Variants in PSMD11 observed in about 807,000 individuals in gnomAD.
The protein encoded by PSMD11 is proteasome 26S subunit, non-ATPase 11, also known as 26S proteasome non-ATPase regulatory subunit 11.
Under a neutral mutation model 62.3 loss-of-function variants are expected in PSMD11, and 5 were observed. That is an observed-to-expected ratio of 0.08 (90% CI 0.04 to 0.17). The LOEUF is 0.17. Ranked by LOEUF, PSMD11 falls within the 10% of genes least tolerant of loss-of-function variation. PSMD11 has a pLI of 1.00. For synonymous variants in PSMD11, 191 were observed against 191.8 expected, an observed-to-expected ratio of 1.00 and a Z score of 0.03; for missense variants, 310 against 512.9, an observed-to-expected ratio of 0.60 and a Z score of 3.82.
At chr17:32,465,403 G>A (rs1907965115) in intron 5 of PSMD11, among the ~76,000 whole-genome samples, 1 of 151,910 alleles carries the variant, frequency 6.6e-6, no homozygotes, top group African/African-American at 2.4e-5. Context: ...ATGAGCCACC[G>A]TGTCCGGCCA....
chr17:32,479,215 C>A, intron 9 of PSMD11, 36 bp from the exon 10 acceptor site: 2 of 1,609,146 alleles, frequency 1.2e-6, no homozygotes, highest in Middle Eastern at 1.7e-4. Context: ...TAAAGTGATT[C>A]TCTGTGCCAA....
At chr17:32,463,037 C>T (rs901365395) in intron 3 of PSMD11, among the ~76,000 whole-genome samples, 1 of 152,206 alleles carries the variant, frequency 6.6e-6, no homozygotes, top group Non-Finnish European at 1.5e-5. Context: ...GTTGTATTAG[C>T]AATTAGTTCT....
At chr17:32,475,163 A>G (rs1726662533) in intron 8 of PSMD11, among the ~76,000 whole-genome samples, 1 of 152,188 alleles carries the variant, frequency 6.6e-6, no homozygotes, top group Admixed American at 6.5e-5. Context: ...AGGGTATGAA[A>G]TCTTAGATTC....
chr17:32,457,309 C>T (rs1907680043), intron 3 of PSMD11, among the ~76,000 whole-genome samples: 1 of 152,058 alleles, frequency 6.6e-6, no homozygotes, highest in Admixed American at 6.5e-5. Context: ...ACAATCTTGG[C>T]TCACTGCAGC....
At chr17:32,452,274 T>C (rs1043481609) in intron 2 of PSMD11, among the ~76,000 whole-genome samples, 128 of 152,336 alleles carry the variant, frequency 8.4e-4, no homozygotes, top group African/African-American at 3.0e-3. Context: ...ATATAGACTG[T>C]ATATCTGATG....
intron 2 of PSMD11, among the ~76,000 whole-genome samples, chr17:32,451,732 CTGTTT>C (rs964376912): frequency 2.0e-5 from 3 of 151,720 alleles, no homozygotes; most frequent in South Asian, 4.1e-4. Flanking sequence ...TTAGTTCTCT[CTGTTT>C]TGTTTTGTTT....
chr17:32,464,028 T>C (rs1354483329), intron 3 of PSMD11, 21 bp from the exon 4 acceptor site: 1 of 1,609,496 alleles, frequency 6.2e-7, no homozygotes, highest in Admixed American at 1.7e-5. Context: ...ATGTTGCATG[T>C]ACTGTCTCTC....
intron 3 of PSMD11, among the ~76,000 whole-genome samples, chr17:32,457,904 A>C (rs777547705): frequency 1.3e-5 from 2 of 151,286 alleles, no homozygotes; most frequent in Non-Finnish European, 2.9e-5. Flanking sequence ...GGGTTCAAGC[A>C]ATTCTCCTGC....
intron 3 of PSMD11, among the ~76,000 whole-genome samples, chr17:32,456,981 G>A (rs1907672000): frequency 6.6e-6 from 1 of 152,136 alleles, no homozygotes; most frequent in Admixed American, 6.5e-5. Context: ...TTTATTTAAT[G>A]ATCATTTCTC....
chr17:32,467,764 A>G (rs989748576), intron 5 of PSMD11, among the ~76,000 whole-genome samples: 2 of 152,146 alleles, frequency 1.3e-5, no homozygotes, highest in African/African-American at 2.4e-5. Context: ...GGCGTGTGCC[A>G]CCACACCCAG....
At chr17:32,446,836 C>G (rs1354126535) in intron 1 of PSMD11, 109 bp from the exon 2 acceptor site, 1,270 of 259,710 alleles carry the variant, frequency 4.9e-3, no homozygotes, top group East Asian at 0.01. Context: ...TAGAATTTGT[C>G]TTTTGGTAAA....
Position 32,464,512 on chromosome 17 carries a change from C to G in PSMD11, c.391-9C>G, listed in dbSNP as rs1301322982. On this transcript the variant is annotated splice_polypyrimidine_tract_variant and intron_variant, in intron 4 of 13. Coordinates refer to ENST00000261712, the MANE Select transcript of PSMD11 (RefSeq NM_002815.4). ...CCCCCCTTCAATCAATGCCTTTTCT[C>G]TTTCCTAGGCAAGACTGGTGTCTTT... 4.4e-6 allele frequency: 7 copies of G among 1,591,090 alleles called. No homozygotes were observed. Among genetic ancestry groups the G allele is most frequent in the Non-Finnish European group, 6.0e-6 (7 of 1,166,548 alleles).
At chr17:32,480,433 AAC>A in intron 12 of PSMD11, 54 bp from the exon 13 acceptor site, 2 of 1,605,614 alleles carry the variant, frequency 1.2e-6, no homozygotes, top group Non-Finnish European at 1.7e-6. Flanking sequence ...CTGCTTCACA[AAC>A]ACTTTTGTGT....
chr17:32,456,811 G>A (rs989932308), intron 3 of PSMD11, among the ~76,000 whole-genome samples: 5 of 152,180 alleles, frequency 3.3e-5, no homozygotes, highest in Admixed American at 1.3e-4. Context: ...GATTACCGGC[G>A]TGAGCCACCG....
At chr17:32,468,899 T>G in intron 5 of PSMD11, 100 bp from the exon 6 acceptor site, 2 of 1,187,334 alleles carry the variant, frequency 1.7e-6, no homozygotes, top group East Asian at 2.7e-5. Flanking sequence ...TCAGGAATTT[T>G]TTTTTTTTTT....
intron 4 of PSMD11, 92 bp from the exon 5 acceptor site, chr17:32,464,429 A>G: frequency 9.4e-7 from 1 of 1,063,548 alleles, no homozygotes. Context: ...GAAATTGCAT[A>G]TTTAACAGTA....
rs1049531599 is a variant in PSMD11 at position 32,470,373 on chromosome 17, C to T, written c.643+1180C>T. 2.7e-5 allele frequency among the ~76,000 whole-genome samples: 4 copies of T among 150,840 alleles called. 1 individual carries two copies. In the Middle Eastern group the frequency reaches 0.01, roughly 396 times the overall value. On this transcript the variant is annotated intron_variant, in intron 6 of 13. Coordinates refer to ENST00000261712, the MANE Select transcript of PSMD11 (RefSeq NM_002815.4). ...AGCCACCCAGGCTGGAATGCAGTGG[C>T]GCAATCTTGGCTCACTGCATCCACT...
intron 3 of PSMD11, among the ~76,000 whole-genome samples, chr17:32,456,392 G>A (rs1315356396): frequency 6.6e-6 from 1 of 151,708 alleles, no homozygotes; most frequent in Non-Finnish European, 1.5e-5. Flanking sequence ...TTTTATTGGT[G>A]ACAGAGTTTC....
At chr17:32,459,126 A>ATATATATATATATATGTATTT in intron 3 of PSMD11, among the ~76,000 whole-genome samples, 1 of 143,546 alleles carries the variant, frequency 7.0e-6, no homozygotes, top group African/African-American at 2.5e-5. Flanking sequence ...ATATATATAT[A>ATATATATATATATATGTATTT]TATATATATA....
Sources: gnomAD v4.1 joint callset for allele counts (sites outside exome capture counted in the v4.1 genomes callset) on GRCh38, gnomAD v4.1.1 for gene constraint, MANE v1.5 for transcripts, NCBI Gene and HGNC (gene_info 2026-07-23, HGNC 2026-07-21) for gene names.